The following NKAIN2 variants were observed in gnomAD, a reference collection of about 807,000 sequenced individuals.
NKAIN2 encodes sodium/potassium transporting ATPase interacting 2.
Under a neutral mutation model 32.6 loss-of-function variants are expected in NKAIN2, and 14 were observed. The ratio of observed to expected loss-of-function variants is 0.43; its 90% CI spans 0.28 to 0.67. NKAIN2 has a LOEUF of 0.67. Among genes scored for constraint, NKAIN2 ranks in the 30% least tolerant of loss-of-function variants. The pLI is 0.17. For missense variants in NKAIN2, 198 were observed against 258.3 expected, an observed-to-expected ratio of 0.77 and a Z score of 1.60; for synonymous variants, 80 against 87.2, an observed-to-expected ratio of 0.92 and a Z score of 0.46.
rs140734763 is a variant in NKAIN2 at position 123,841,632 on chromosome 6, C to T, written c.54+37378C>T. On this transcript the variant is annotated intron_variant, in intron 1 of 6. Coordinates refer to ENST00000368417, the MANE Select transcript of NKAIN2 (RefSeq NM_001040214.3). ...CAGATATGACATTCTGGGTAGGGCT[C>T]CCAGTCTCCTGAAGAGAGTAATGCA... 2.3e-3 allele frequency among the ~76,000 whole-genome samples: 344 copies of T among 152,242 alleles called. 1 individual carries two copies. The highest frequency in any genetic ancestry group is 7.8e-3 in the African/African-American group (323 of 41,550).
chr6:124,718,097 A>G (rs1242726744), intron 4 of NKAIN2, among the ~76,000 whole-genome samples: 3 of 152,196 alleles, frequency 2.0e-5, no homozygotes, highest in Non-Finnish European at 4.4e-5. Flanking sequence ...TCCACATACT[A>G]TGAAATTCAC....
chr6:124,450,517 TTAA>T (rs1776061752), intron 3 of NKAIN2, among the ~76,000 whole-genome samples: 1 of 151,936 alleles, frequency 6.6e-6, no homozygotes, highest in South Asian at 2.1e-4. Flanking sequence ...CTGTTTTTTA[TTAA>T]TAATGTAAGC....
chr6:124,578,404 G>A (rs1192901997), intron 3 of NKAIN2, among the ~76,000 whole-genome samples: 2 of 152,078 alleles, frequency 1.3e-5, no homozygotes, highest in Non-Finnish European at 2.9e-5. Flanking sequence ...GAGCCCTTGG[G>A]CCTTGAGTGA....
chr6:124,066,974 G>A (rs1005489380), intron 1 of NKAIN2, among the ~76,000 whole-genome samples: 9 of 151,766 alleles, frequency 5.9e-5, no homozygotes, highest in Non-Finnish European at 1.2e-4. Context: ...TCAATCTAAC[G>A]CAGCTTTCTT....
chr6:124,053,850 A>G (rs1457197644), intron 1 of NKAIN2, among the ~76,000 whole-genome samples: 2 of 152,090 alleles, frequency 1.3e-5, no homozygotes. Flanking sequence ...AGGACTGGTG[A>G]GTTCATTGTG....
At chr6:124,754,123 G>C (rs1252701401) in intron 4 of NKAIN2, among the ~76,000 whole-genome samples, 1 of 152,074 alleles carries the variant, frequency 6.6e-6, no homozygotes, top group African/African-American at 2.4e-5. Context: ...AGGTTCCAAA[G>C]AACTGAGTTT....
chr6:124,373,233 G>A (rs1435972956), intron 3 of NKAIN2, among the ~76,000 whole-genome samples: 3 of 152,096 alleles, frequency 2.0e-5, no homozygotes, highest in Non-Finnish European at 2.9e-5. Flanking sequence ...ATGGATGCAG[G>A]GTGTAGGAAG....
chr6:124,353,520 C>T (rs1424511916), intron 2 of NKAIN2, among the ~76,000 whole-genome samples: 1 of 152,018 alleles, frequency 6.6e-6, no homozygotes, highest in East Asian at 1.9e-4. Flanking sequence ...TTTGGGAGGC[C>T]GAGACGGGCA....
At chr6:124,127,835 G>A (rs760427907) in intron 1 of NKAIN2, among the ~76,000 whole-genome samples, 7 of 148,564 alleles carry the variant, frequency 4.7e-5, no homozygotes, top group East Asian at 3.9e-4. Flanking sequence ...TGCTATTCCC[G>A]TTTTTTTTTT....
At chr6:124,417,240 A>G (rs1481395441) in intron 3 of NKAIN2, among the ~76,000 whole-genome samples, 2 of 152,246 alleles carry the variant, frequency 1.3e-5, no homozygotes, top group Non-Finnish European at 2.9e-5. Context: ...TAGAAAACAG[A>G]AAGTTTCAAC....
At chr6:124,389,102 C>G (rs1334403613) in intron 3 of NKAIN2, among the ~76,000 whole-genome samples, 2 of 152,066 alleles carry the variant, frequency 1.3e-5, no homozygotes, top group Admixed American at 1.3e-4. Context: ...ATGAATTCAC[C>G]TAAATGTTGT....
In NKAIN2 at chr6:124,792,504, G is replaced by T. The variant is rs573716818; in HGVS notation, c.535+1105G>T. 5.9e-5 allele frequency among the ~76,000 whole-genome samples: 9 copies of T among 152,238 alleles called. No individual in the cohort carries two copies. In the East Asian group the frequency reaches 1.5e-3, roughly 26 times the overall value. On this transcript the variant is annotated intron_variant, in intron 5 of 6. Coordinates refer to ENST00000368417, the MANE Select transcript of NKAIN2 (RefSeq NM_001040214.3). ...TATTCCTCAGTATTTCAAGTGCTGT[G>T]TCAGCCTTTGGAGATTTTAGGATGA...
chr6:123,862,660 T>A (rs1341787296), intron 1 of NKAIN2, among the ~76,000 whole-genome samples: 2 of 152,192 alleles, frequency 1.3e-5, no homozygotes, highest in Non-Finnish European at 2.9e-5. Context: ...TTTTTCCTTA[T>A]GCCTTACTTT....
intron 1 of NKAIN2, among the ~76,000 whole-genome samples, chr6:123,962,294 A>T (rs1045994578): frequency 1.3e-5 from 2 of 152,194 alleles, no homozygotes; most frequent in Admixed American, 1.3e-4. Context: ...AGTCATCAGC[A>T]ATCTAGAATC....
At chr6:124,576,824 G>C (rs1177506578) in intron 3 of NKAIN2, among the ~76,000 whole-genome samples, 1 of 152,118 alleles carries the variant, frequency 6.6e-6, no homozygotes, top group Non-Finnish European at 1.5e-5. Flanking sequence ...CAAAAATTAA[G>C]TTAAAATGAA....
intron 4 of NKAIN2, among the ~76,000 whole-genome samples, chr6:124,771,738 T>C (rs1489049030): frequency 2.0e-5 from 3 of 152,166 alleles, no homozygotes; most frequent in African/African-American, 7.2e-5. Flanking sequence ...ATTAATGAAA[T>C]CTGAATCTAA....
chr6:124,121,279 T>C (rs1785866149), intron 1 of NKAIN2, among the ~76,000 whole-genome samples: 1 of 152,022 alleles, frequency 6.6e-6, no homozygotes, highest in African/African-American at 2.4e-5. Flanking sequence ...GGTCCAGCAA[T>C]GATCTGTAAG....
At chr6:124,593,692 T>A (rs958926728) in intron 3 of NKAIN2, among the ~76,000 whole-genome samples, 1 of 152,122 alleles carries the variant, frequency 6.6e-6, no homozygotes, top group South Asian at 2.1e-4. Context: ...AATAATCAGA[T>A]TTGAATTTCC....
chr6:124,512,905 G>A (rs1403721383), intron 3 of NKAIN2, among the ~76,000 whole-genome samples: 1 of 152,104 alleles, frequency 6.6e-6, no homozygotes, highest in Non-Finnish European at 1.5e-5. Flanking sequence ...AAATCTACAT[G>A]ATGTTTAAAA....
Sources: gnomAD v4.1 joint callset for allele counts (sites outside exome capture counted in the v4.1 genomes callset) on GRCh38, gnomAD v4.1.1 for gene constraint, MANE v1.5 for transcripts, NCBI Gene and HGNC (gene_info 2026-07-23, HGNC 2026-07-21) for gene names.